Variants in ANKRD50 observed in about 807,000 individuals in gnomAD.
ANKRD50 encodes ankyrin repeat domain 50.
In ANKRD50, 40 loss-of-function variants were observed where a neutral mutation model predicts 112.0. The observed-to-expected ratio is 0.36, with a 90% CI of 0.28 to 0.46. The LOEUF (loss-of-function observed/expected upper bound fraction) is 0.46. Among genes scored for constraint, ANKRD50 ranks in the 20% least tolerant of loss-of-function variants. The pLI, the probability that ANKRD50 is intolerant of heterozygous loss-of-function variation, is 1.00. For synonymous variants in ANKRD50, 613 were observed against 619.1 expected (o/e 0.99, Z 0.15); for missense variants, 1,487 against 1,701.7 (o/e 0.87, Z 2.22).
At chr4:124,668,013 G>T (rs1254945823) in intron 4 of ANKRD50, among the ~76,000 whole-genome samples, 1 of 151,884 alleles carries the variant, frequency 6.6e-6, no homozygotes, top group Non-Finnish European at 1.5e-5. Flanking sequence ...TTTGTTAGAG[G>T]AAGAAAAATC....
chr4:124,690,763 T>C (rs1725118438), intron 2 of ANKRD50, among the ~76,000 whole-genome samples: 1 of 152,194 alleles, frequency 6.6e-6, no homozygotes, highest in Non-Finnish European at 1.5e-5. Context: ...AACACTCTAC[T>C]GTAAGTTTGG....
intron 2 of ANKRD50, among the ~76,000 whole-genome samples, chr4:124,686,105 T>C (rs1235886681): frequency 6.6e-6 from 1 of 152,218 alleles, no homozygotes; most frequent in East Asian, 1.9e-4. Flanking sequence ...ATTTACTTAC[T>C]GCCTTTTTCT....
chr4:124,703,572 A>C (rs145769316), intron 2 of ANKRD50, among the ~76,000 whole-genome samples: 2,168 of 152,312 alleles, frequency 0.014, 30 homozygotes, highest in Non-Finnish European at 0.019. Context: ...GAACCAAATT[A>C]GAGCATGCAG....
Position 124,667,292 on chromosome 4 carries a change from T to A in ANKRD50, c.*226A>T, listed in dbSNP as rs910601037. 1 of 152,048 alleles carries A rather than the reference T, an allele frequency of 6.6e-6. No individual in the cohort carries two copies. Among genetic ancestry groups the A allele is most frequent in the African/African-American group, 2.4e-5 (1 of 41,438 alleles). 9.4% of individuals were successfully genotyped at this position (152,048 alleles called of 1,614,324 possible). On this transcript the variant is annotated 3_prime_UTR_variant, in exon 5 of 5. Coordinates refer to ENST00000504087, the MANE Select transcript of ANKRD50 (RefSeq NM_020337.3). ...TTTTTAAAAAGTGCTTATTCCTGTG[T>A]AGTGAATACAAAGCACACAAAATGA...
At chr4:124,701,055 C>T (rs1311227255) in intron 2 of ANKRD50, among the ~76,000 whole-genome samples, 1 of 152,160 alleles carries the variant, frequency 6.6e-6, no homozygotes, top group Non-Finnish European at 1.5e-5. Flanking sequence ...ACCTTCGCTT[C>T]CCGGTTCAAG....
intron 3 of ANKRD50, among the ~76,000 whole-genome samples, chr4:124,677,580 C>A (rs899608489): frequency 2.6e-5 from 4 of 151,770 alleles, no homozygotes; most frequent in African/African-American, 9.7e-5. Context: ...GTCTTAAGTG[C>A]TTCATATGTA....
chr4:124,693,173 G>A (rs931030292), intron 2 of ANKRD50, among the ~76,000 whole-genome samples: 2 of 152,120 alleles, frequency 1.3e-5, no homozygotes, highest in African/African-American at 2.4e-5. Flanking sequence ...TTAAAACCTG[G>A]CTAAACCAGG....
rs1456037855 is a variant in ANKRD50, at chr4:124,667,311, A to G, written c.*207T>C. 2.0e-5 allele frequency: 3 copies of G among 151,914 alleles called. No homozygotes were observed. Among genetic ancestry groups the G allele is most frequent in the Non-Finnish European group, 4.4e-5 (3 of 67,936 alleles). 9.4% of individuals were successfully genotyped at this position (151,914 alleles called of 1,614,324 possible). ...CCTGTGTAGTGAATACAAAGCACAC[A>G]AAATGAAATTTTTTAAGCACAGAGG... is the stretch of plus-strand genomic sequence containing the variant. On this transcript the variant is annotated 3_prime_UTR_variant, in exon 5 of 5. Transcript: ENST00000504087.
intron 2 of ANKRD50, among the ~76,000 whole-genome samples, chr4:124,689,525 G>T (rs1036462355): frequency 6.6e-6 from 1 of 152,180 alleles, no homozygotes. Context: ...GTGGGTGGTG[G>T]CCTTCATCCA....
chr4:124,690,851 A>G (rs528354201), intron 2 of ANKRD50, among the ~76,000 whole-genome samples: 53 of 152,364 alleles, frequency 3.5e-4, no homozygotes, highest in Non-Finnish European at 5.9e-4. Flanking sequence ...GAAAGAAGTA[A>G]GGAAGAACGA....
At chr4:124,680,796 G>A (rs1724868988) in intron 2 of ANKRD50, among the ~76,000 whole-genome samples, 1 of 152,050 alleles carries the variant, frequency 6.6e-6, no homozygotes, top group African/African-American at 2.4e-5. Context: ...GTAAGGTAAT[G>A]AGCCAGGAGA....
chr4:124,692,012 G>A (rs565079941), intron 2 of ANKRD50, among the ~76,000 whole-genome samples: 2 of 152,234 alleles, frequency 1.3e-5, no homozygotes, highest in South Asian at 4.1e-4. Context: ...TCAAAATGCA[G>A]GCACACCACA....
intron 2 of ANKRD50, among the ~76,000 whole-genome samples, chr4:124,694,216 A>G (rs1381364091): frequency 1.3e-5 from 2 of 152,194 alleles, no homozygotes; most frequent in African/African-American, 2.4e-5. Flanking sequence ...AGTAAAATTG[A>G]TAATTAAAAT....
intron 3 of ANKRD50, among the ~76,000 whole-genome samples, chr4:124,677,305 C>T (rs1357738359): frequency 6.8e-6 from 1 of 148,068 alleles, no homozygotes; most frequent in African/African-American, 2.6e-5. Context: ...ACTTTCAGCA[C>T]ATGTGCACAA....
At position 124,710,593 on chromosome 4, in the gene ANKRD50, T is replaced by C. The variant is rs1725608051; in HGVS notation, c.-82A>G. On this transcript the variant is annotated 5_prime_UTR_variant, in exon 2 of 5. Coordinates refer to ENST00000504087, the MANE Select transcript of ANKRD50 (RefSeq NM_020337.3). ...ATCCATTATGACATAACTTGTATATTAAGTTGACTCTGAAGACAGAGTAAC... is the reference window on the plus strand; with the variant it reads ...ATCCATTATGACATAACTTGTATATCAAGTTGACTCTGAAGACAGAGTAAC... 4.1e-6 allele frequency: 6 copies of C among 1,450,274 alleles called. No individual in the cohort carries two copies. The East Asian group carries it at 6.8e-5, about 17-fold the overall frequency. The allele number at this position is 1,450,274 out of a possible 1,614,324, so 89.8% of individuals were successfully genotyped here.
Position 124,670,186 on chromosome 4 carries a change from G to A in ANKRD50, c.3091C>T (p.Leu1031=). Residue 1031 remains leucine, a synonymous_variant, in exon 4 of 5, where the codon CTG becomes TTG. Coordinates refer to ENST00000504087, the MANE Select transcript of ANKRD50 (RefSeq NM_020337.3). Reference sequence around the variant, plus strand: ...TCAACTACAGCACCATGCTCAATCAGAAGCTGAACCACTTTTACATGGCCC... The same window carrying A: ...TCAACTACAGCACCATGCTCAATCAAAAGCTGAACCACTTTTACATGGCCC... ...WQGHVKVVQL[L]IEHGAVVDHT... is the part of the protein sequence containing the mutation. The A allele has an allele frequency of 6.2e-7, 1 of 1,612,756 alleles. No homozygotes were observed. The highest frequency in any genetic ancestry group is 8.5e-7 in the Non-Finnish European group (1 of 1,179,572).
intron 3 of ANKRD50, among the ~76,000 whole-genome samples, chr4:124,676,096 CGTAAGCAA>C: frequency 6.6e-6 from 1 of 151,682 alleles, no homozygotes; most frequent in Middle Eastern, 3.4e-3. Context: ...CAACTTAAAA[CGTAAGCAA>C]AGACCAGAAA....
In ANKRD50 at chr4:124,672,360, A is replaced by G; in HGVS notation, c.917T>C (p.Leu306Pro). 2 of 1,613,228 alleles carry G rather than the reference A, an allele frequency of 1.2e-6. No individual in the cohort carries two copies. Among genetic ancestry groups the G allele is most frequent in the Non-Finnish European group, 1.7e-6 (2 of 1,179,728 alleles). ...HIKSSGCFLYLERVLDGVVEN... is the reference protein window; with the variant it reads ...HIKSSGCFLYPERVLDGVVEN... ...TACAACTCCATCTAAAACTCGTTCT[A>G]GGTAAAGAAAGCATCCACTGCTTTT... The change falls in exon 4 of 5, where the codon CTA becomes CCA. Residue 306 changes from leucine (L) to proline (P), a missense_variant. Around this residue, in one of 2 missense-constraint regions of ANKRD50, gnomAD observed 1,046 missense variants for 1,269.5 expected, o/e 0.82. Transcript: ENST00000504087.
chr4:124,687,220 A>C (rs955571220), intron 2 of ANKRD50, among the ~76,000 whole-genome samples: 2 of 152,166 alleles, frequency 1.3e-5, no homozygotes, highest in African/African-American at 4.8e-5. Context: ...TTTTTCACAA[A>C]GTTGTAGAGG....
Sources: allele counts gnomAD v4.1 joint callset (sites outside exome capture counted in the v4.1 genomes callset), GRCh38; gene constraint gnomAD v4.1.1; regional missense constraint gnomAD v4.1.1; transcripts MANE v1.5; gene names NCBI Gene and HGNC (gene_info 2026-07-23, HGNC 2026-07-21).